TNNI1: variants seen among roughly 807,000 people sequenced by gnomAD.
TNNI1 encodes the protein troponin I1, slow skeletal type, also known as troponin I, slow skeletal muscle.
Under a neutral mutation model 26.7 loss-of-function variants are expected in TNNI1, and 14 were observed. That is an observed-to-expected ratio of 0.52 (90% CI 0.35 to 0.82). The LOEUF (loss-of-function observed/expected upper bound fraction) is 0.82, where lower values mean the gene tolerates loss of function less well. TNNI1 is among the 40% of genes least tolerant of loss of function. TNNI1 has a pLI of 0.01. For missense variants in TNNI1, 164 were observed against 257.0 expected (o/e 0.64, Z 2.47); for synonymous variants, 79 against 98.2 (o/e 0.80, Z 1.16).
intron 5 of TNNI1, among the ~76,000 whole-genome samples, chr1:201,414,099 C>A (rs892900395): frequency 6.6e-6 from 1 of 152,232 alleles, no homozygotes; most frequent in African/African-American, 2.4e-5. Context: ...TGATATACTT[C>A]CTTCCAGTCT....
rs560191215 is a variant in TNNI1, at chr1:201,413,015, C to A, written c.279+17G>T. ...CCAACCCATTATGGCCATGCCCCTT[C>A]CCTTCCTTAGACTCACCTCCCTGGT... is the stretch of plus-strand genomic sequence containing the variant. On this transcript the variant is annotated intron_variant, in intron 6 of 8. Coordinates refer to ENST00000361379, the MANE Select transcript of TNNI1 (RefSeq NM_003281.4). 6.2e-7 allele frequency: 1 copy of A among 1,613,420 alleles called. No homozygotes were observed. The highest frequency in any genetic ancestry group is 1.3e-5 in the African/African-American group (1 of 75,052).
chr1:201,418,088 A>G (rs1034575121), intron 1 of TNNI1, among the ~76,000 whole-genome samples: 1 of 137,104 alleles, frequency 7.3e-6, no homozygotes. Context: ...CAGAAACCTT[A>G]TGTGAGCTAC....
In TNNI1 at chr1:201,411,399, C is replaced by T. The variant is rs776568372; in HGVS notation, c.414G>A (p.Leu138=). 1.2e-6 allele frequency: 2 copies of T among 1,613,958 alleles called. No individual in the cohort carries two copies. Among genetic ancestry groups the T allele is most frequent in the South Asian group, 2.2e-5 (2 of 91,006 alleles). The change falls in exon 7 of 9, where the codon CTG becomes CTA. Residue 138 remains leucine, a synonymous_variant. Coordinates refer to ENST00000361379, the MANE Select transcript of TNNI1 (RefSeq NM_003281.4). The surrounding 1 kb of genome is among the most constrained non-coding windows in gnomAD (Gnocchi z 4.6). ...LGSKHKVSMD[L]RANLKSVKKE... ...TCTTCACAGACTTGAGGTTGGCCCG[C>T]AGATCCATGGACACCTTGTGCTTGG... is the stretch of plus-strand genomic sequence containing the variant.
At chr1:201,416,867 C>G (rs1455082407) in intron 3 of TNNI1, among the ~76,000 whole-genome samples, 1 of 152,144 alleles carries the variant, frequency 6.6e-6, no homozygotes, top group Non-Finnish European at 1.5e-5. Flanking sequence ...TGCTGCAATA[C>G]CAGTCCTTCC....
intron 1 of TNNI1, among the ~76,000 whole-genome samples, chr1:201,420,433 C>A (rs773503647): frequency 7.9e-5 from 12 of 152,094 alleles, no homozygotes; most frequent in Non-Finnish European, 1.2e-4. Flanking sequence ...AATCCTCCCC[C>A]CGAGGGGGGG....
At chr1:201,421,343 A>G (rs754135986) in intron 1 of TNNI1, among the ~76,000 whole-genome samples, 6 of 150,786 alleles carry the variant, frequency 4.0e-5, no homozygotes, top group Non-Finnish European at 7.4e-5. Flanking sequence ...TCCCTCCCAC[A>G]CTCTGCTGGG....
Position 201,413,141 on chromosome 1 carries a change from C to A in TNNI1, c.190-20G>T. 6.2e-7 allele frequency: 1 copy of A among 1,613,584 alleles called. No individual in the cohort carries two copies. Among genetic ancestry groups the A allele is most frequent in the South Asian group, 1.1e-5 (1 of 91,074 alleles). ...CAGGTCCTGGGGGCCGCAGATGGAT[C>A]ATGCAGGTGTGAAGAAGAGGGGAAC... On this transcript the variant is annotated intron_variant, in intron 5 of 8. Transcript: ENST00000361379.
At chr1:201,415,286 G>A (rs750237859) in intron 3 of TNNI1, 32 bp from the exon 4 acceptor site, 18 of 1,612,140 alleles carry the variant, frequency 1.1e-5, no homozygotes, top group South Asian at 2.2e-5. Context: ...GACAGGTGGT[G>A]AGGCAGAGGC....
chr1:201,420,275 C>A (rs1410160578), intron 1 of TNNI1, among the ~76,000 whole-genome samples: 1 of 152,246 alleles, frequency 6.6e-6, no homozygotes, highest in African/African-American at 2.4e-5. Context: ...AGCCTGTGCT[C>A]TGACACCCCT....
At chr1:201,418,566 C>G (rs745778908) in intron 1 of TNNI1, among the ~76,000 whole-genome samples, 5 of 151,666 alleles carry the variant, frequency 3.3e-5, no homozygotes, top group Non-Finnish European at 7.4e-5. Context: ...TAAGGGTGGT[C>G]ATTGAAGGGC....
In TNNI1 at chr1:201,408,254, C is replaced by A. The variant is rs904171938; in HGVS notation, c.*999G>T. On this transcript the variant is annotated 3_prime_UTR_variant, in exon 9 of 9. Transcript: ENST00000361379. ...GACAGATAAGTGGCCACCCCATCTC[C>A]GGGAAAGAATCAGTCCTGGGGGATA... 1 of 152,240 alleles carries A rather than the reference C, an allele frequency of 6.6e-6. No individual in the cohort carries two copies. Among genetic ancestry groups the A allele is most frequent in the African/African-American group, 2.4e-5 (1 of 41,368 alleles). The allele number at this position is 152,240 out of a possible 1,614,324, so 9.4% of individuals were successfully genotyped here. A position where few individuals can be genotyped will look rare whatever the true frequency, so the allele number is the denominator to read the frequency against.
In TNNI1 at chr1:201,414,575, G is replaced by A; in HGVS notation, c.132C>T (p.Tyr44=). ...GCAGCGTGGGGATGCGCTCTGCCAG[G>A]TAGCGCACCTTCTCAGCCTCGCGCT... ...HEEREAEKVR[Y]LAERIPTLQT... The change falls in exon 5 of 9, where the codon TAC becomes TAT. Residue 44 remains tyrosine, a synonymous_variant. Coordinates refer to ENST00000361379, the MANE Select transcript of TNNI1 (RefSeq NM_003281.4). 5.6e-6 allele frequency: 9 copies of A among 1,613,762 alleles called. No homozygotes were observed. Among genetic ancestry groups the A allele is most frequent in the Non-Finnish European group, 7.6e-6 (9 of 1,179,982 alleles).
intron 1 of TNNI1, among the ~76,000 whole-genome samples, chr1:201,420,152 G>A (rs886245429): frequency 2.6e-5 from 4 of 152,188 alleles, no homozygotes; most frequent in Non-Finnish European, 5.9e-5. Flanking sequence ...CCCATTGTGG[G>A]GCCCTACCTT....
chr1:201,416,820 C>G (rs1239009359), intron 3 of TNNI1, among the ~76,000 whole-genome samples: 5 of 152,220 alleles, frequency 3.3e-5, no homozygotes, highest in Admixed American at 2.6e-4. Context: ...TGAGGAAGAG[C>G]TTGTGCTCAG....
chr1:201,410,986 T>G (rs1662623099), intron 7 of TNNI1, among the ~76,000 whole-genome samples: 2 of 152,234 alleles, frequency 1.3e-5, no homozygotes, highest in Non-Finnish European at 2.9e-5. Flanking sequence ...TCTATGCTCG[T>G]GTGTGGCTAT....
rs192702962 is a variant in TNNI1, at chr1:201,410,057, C to T, written c.*2+269G>A. 4.7e-4 allele frequency: 170 copies of T among 363,218 alleles called. 1 individual carries two copies. The highest frequency in any genetic ancestry group is 3.3e-3 in the African/African-American group (160 of 47,992). The allele number at this position is 363,218 out of a possible 1,614,324, so 22.5% of individuals were successfully genotyped here. ...ATGTAGACGCTGCTGGTCCCAGGAC[C>T]ACACTTGGAGAACCACTGATTTGAT... On this transcript the variant is annotated intron_variant, in intron 8 of 8. Coordinates refer to ENST00000361379, the MANE Select transcript of TNNI1 (RefSeq NM_003281.4).
At chr1:201,413,203 G>C (rs1662668399) in intron 5 of TNNI1, 82 bp from the exon 6 acceptor site, 7 of 1,507,752 alleles carry the variant, frequency 4.6e-6, no homozygotes, top group Non-Finnish European at 6.4e-6. Flanking sequence ...CCTCTCCCCA[G>C]CCCCTTTGCA....
chr1:201,411,191 T>C lies in TNNI1; in HGVS notation c.456+166A>G, dbSNP rs1043695590. Among the ~76,000 whole-genome samples, 2 of 152,230 alleles carry C rather than the reference T, an allele frequency of 1.3e-5. No individual in the cohort carries two copies. The highest frequency in any genetic ancestry group is 2.4e-5 in the African/African-American group (1 of 41,458). ...CCTGAAGGAAGGGAGCAAATCTTCTTTCTTTCTTCCCACACTGGTCTCCCA... is the reference window on the plus strand; with the variant it reads ...CCTGAAGGAAGGGAGCAAATCTTCTCTCTTTCTTCCCACACTGGTCTCCCA... On this transcript the variant is annotated intron_variant, in intron 7 of 8. Transcript: ENST00000361379. The surrounding 1 kb of genome is among the most constrained non-coding windows in gnomAD (Gnocchi z 4.6).
intron 8 of TNNI1, chr1:201,409,974 C>G (rs1325834413): frequency 5.3e-6 from 1 of 187,936 alleles, no homozygotes; most frequent in Non-Finnish European, 1.1e-5. Flanking sequence ...CTGGCCTCAC[C>G]CCAGAGTTTC....
Sources: gnomAD v4.1 joint callset for allele counts (sites outside exome capture counted in the v4.1 genomes callset) on GRCh38, gnomAD v4.1.1 for gene constraint, Gnocchi (gnomAD v3.1) non-coding constraint, MANE v1.5 for transcripts, NCBI Gene and HGNC (gene_info 2026-07-23, HGNC 2026-07-21) for gene names.